Variants in NOL4L observed in about 807,000 individuals in gnomAD.
NOL4L encodes the protein nucleolar protein 4-like.
In NOL4L, 7 loss-of-function variants were observed where a neutral mutation model predicts 64.5. That is an observed-to-expected ratio of 0.11 (90% CI 0.06 to 0.20). NOL4L has a LOEUF of 0.20. NOL4L is among the 10% of genes least tolerant of loss of function. NOL4L has a pLI of 1.00. For missense variants in NOL4L, 680 were observed against 967.1 expected, an observed-to-expected ratio of 0.70 and a Z score of 3.94; for synonymous variants, 413 against 401.0, an observed-to-expected ratio of 1.03 and a Z score of -0.36.
intron 4 of NOL4L, among the ~76,000 whole-genome samples, chr20:32,498,696 G>A (rs750732749): frequency 5.3e-5 from 8 of 149,910 alleles, no homozygotes; most frequent in African/African-American, 1.7e-4. Context: ...CTGGGAAGTC[G>A]AGGCTGCATT....
chr20:32,453,499 T>C lies in NOL4L; in HGVS notation c.1306-4A>G. On this transcript the variant is annotated splice_polypyrimidine_tract_variant and splice_region_variant and intron_variant, in intron 7 of 10. Coordinates refer to ENST00000621426, the MANE Select transcript of NOL4L (RefSeq NM_001256798.2). The surrounding 1 kb of genome is among the most constrained non-coding windows in gnomAD (Gnocchi z 5.6). ...CCACAAAGAGACGCACAAACATCTG[T>C]GGAGACACGGGCCATGGGAAGGGCT... 1.2e-6 allele frequency: 2 copies of C among 1,613,654 alleles called. No homozygotes were observed. Among genetic ancestry groups the C allele is most frequent in the East Asian group, 2.2e-5 (1 of 44,856 alleles).
At chr20:32,452,186 C>G (rs778499322) in intron 10 of NOL4L, 50 bp downstream of exon 10, 96 of 1,473,402 alleles carry the variant, frequency 6.5e-5, no homozygotes, top group Admixed American at 1.2e-4. Context: ...CTCTGCAGAC[C>G]CAGCTGGGTG....
chr20:32,472,336 G>A (rs548790410), intron 5 of NOL4L, among the ~76,000 whole-genome samples: 68 of 152,348 alleles, frequency 4.5e-4, no homozygotes, highest in African/African-American at 1.5e-3. Context: ...CACGAAGGAC[G>A]GAAGGCCAGA....
intron 1 of NOL4L, among the ~76,000 whole-genome samples, chr20:32,529,888 C>G (rs543156941): frequency 4.1e-4 from 63 of 152,340 alleles, no homozygotes; most frequent in Non-Finnish European, 7.9e-4. Context: ...TCAACCTCCC[C>G]GAGCTTCATT....
At chr20:32,509,914 G>C (rs1490764219) in intron 4 of NOL4L, 1 of 1,304,164 alleles carries the variant, frequency 7.7e-7, no homozygotes, top group African/African-American at 1.5e-5. Context: ...TGTTTACGAA[G>C]CCAGGTGCCG....
chr20:32,488,831 C>T (rs866752481), intron 4 of NOL4L, among the ~76,000 whole-genome samples: 4 of 34,824 alleles, frequency 1.1e-4, no homozygotes, highest in Admixed American at 6.3e-4. Flanking sequence ...CTTTCTTTTT[C>T]TTTCTTTCTT....
At chr20:32,536,902 T>C in intron 1 of NOL4L, among the ~76,000 whole-genome samples, 1 of 139,668 alleles carries the variant, frequency 7.2e-6, no homozygotes, top group Admixed American at 7.2e-5. Context: ...GCGGCTGGCC[T>C]CCCCCTGTCT....
intron 2 of NOL4L, among the ~76,000 whole-genome samples, chr20:32,521,395 C>T (rs374043947): frequency 1.3e-5 from 2 of 152,168 alleles, no homozygotes; most frequent in Admixed American, 6.5e-5. Context: ...AGGTCAAGAA[C>T]CTTCTTAGGA....
At chr20:32,535,661 G>A in intron 1 of NOL4L, 1 of 985,396 alleles carries the variant, frequency 1.0e-6, no homozygotes, top group Non-Finnish European at 1.2e-6. Flanking sequence ...TCAAACAACG[G>A]CGCTACATTT....
At chr20:32,467,887 G>A (rs1266979274) in intron 5 of NOL4L, among the ~76,000 whole-genome samples, 1 of 152,190 alleles carries the variant, frequency 6.6e-6, no homozygotes, top group Non-Finnish European at 1.5e-5. Context: ...AAGGAGAAGA[G>A]GCCAACAGCA....
At chr20:32,480,317 C>T (rs1020046148) in intron 4 of NOL4L, among the ~76,000 whole-genome samples, 20 of 152,166 alleles carry the variant, frequency 1.3e-4, no homozygotes, top group Admixed American at 9.8e-4. Context: ...AAGCCATAAG[C>T]CCTGACCAGG....
At chr20:32,539,031 G>C (rs1439666612) in intron 1 of NOL4L, among the ~76,000 whole-genome samples, 2 of 152,056 alleles carry the variant, frequency 1.3e-5, no homozygotes, top group Non-Finnish European at 2.9e-5. Context: ...GTGGGGGTGG[G>C]GTGGGGTGGG....
At position 32,474,735 on chromosome 20, in the gene NOL4L, G is replaced by T. The variant is rs1412288875; in HGVS notation, c.707C>A (p.Thr236Asn). Residue 236 changes from threonine (T) to asparagine (N), a missense_variant, in exon 5 of 11, where the codon ACT becomes AAT. Around this residue, in one of 4 missense-constraint regions of NOL4L, gnomAD observed 181 missense variants for 335.2 expected, o/e 0.54. Transcript: ENST00000621426. ...RVMNSQEQDETSVSSEDFDMS... is the reference protein window; with the variant it reads ...RVMNSQEQDENSVSSEDFDMS... ...ATCAAAATCCTCGCTGCTCACAGAA[G>T]TCTCATCCTGAGCAGGGACAAAGAA... The T allele has an allele frequency of 6.2e-7, 1 of 1,610,180 alleles. No homozygotes were observed. The highest frequency in any genetic ancestry group is 8.5e-7 in the Non-Finnish European group (1 of 1,178,138).
rs2013101180 is a variant in NOL4L, at chr20:32,453,091, C to T, written c.1498-85G>A. On this transcript the variant is annotated intron_variant, in intron 8 of 10. Coordinates refer to ENST00000621426, the MANE Select transcript of NOL4L (RefSeq NM_001256798.2). This position sits in a 1 kb window ranked among gnomAD's most constrained non-coding sequence, Gnocchi z 5.6. The stretch of plus-strand genomic sequence containing the variant: ...GAGACCCTGCCCCAGGGGTGGGTGG[C>T]ACAGGGTGGGGTTTGGGCTCCAGCG... The T allele has an allele frequency of 2.5e-6, 4 of 1,576,032 alleles. No individual in the cohort carries two copies. The Admixed American group carries it at 6.8e-5, about 27-fold the overall frequency.
At position 32,447,451 on chromosome 20, in the gene NOL4L, C is replaced by T. The variant is rs1281222651; in HGVS notation, c.*145G>A. The stretch of plus-strand genomic sequence containing the variant: ...AAAAGTGTCCTTGTGCCCAAAGTCT[C>T]AGGTGCTTGGAGTGTGGCTAGAAAC... On this transcript the variant is annotated 3_prime_UTR_variant, in exon 11 of 11. Coordinates refer to ENST00000621426, the MANE Select transcript of NOL4L (RefSeq NM_001256798.2). 4.7e-6 allele frequency: 3 copies of T among 635,762 alleles called. No individual in the cohort carries two copies. The highest frequency in any genetic ancestry group is 4.5e-5 in the East Asian group (1 of 22,332). 39.4% of individuals were successfully genotyped at this position (635,762 alleles called of 1,614,324 possible). A position where few individuals can be genotyped will look rare whatever the true frequency, so the allele number is the denominator to read the frequency against.
At chr20:32,582,181 G>A (rs1033665672) in intron 1 of NOL4L, 2 of 152,206 alleles carry the variant, frequency 1.3e-5, no homozygotes, top group African/African-American at 4.8e-5. Flanking sequence ...GGGAGCCCGA[G>A]GGGCGGGCTG....
At chr20:32,534,751 TTCGA>T (rs1192727375) in intron 1 of NOL4L, among the ~76,000 whole-genome samples, 1 of 150,302 alleles carries the variant, frequency 6.7e-6, no homozygotes, top group Non-Finnish European at 1.5e-5. Context: ...CGTGGCGGCA[TTCGA>T]CTGTAGTCCC....
In NOL4L at chr20:32,446,060, G is replaced by A. The variant is rs2012316238; in HGVS notation, c.*1536C>T. ...CTGGGGCCTCTCTGCTCTGAGGGAGGAAAGGCAACAGAGGGCTTCTGCCAG... is the reference window on the plus strand; with the variant it reads ...CTGGGGCCTCTCTGCTCTGAGGGAGAAAAGGCAACAGAGGGCTTCTGCCAG... On this transcript the variant is annotated 3_prime_UTR_variant, in exon 11 of 11. Transcript: ENST00000621426. 6.6e-6 allele frequency: 1 copy of A among 152,296 alleles called. No individual in the cohort carries two copies. The highest frequency in any genetic ancestry group is 1.5e-5 in the Non-Finnish European group (1 of 68,138). The allele number at this position is 152,296 out of a possible 1,614,324, so 9.4% of individuals were successfully genotyped here. A position where few individuals can be genotyped will look rare whatever the true frequency, so the allele number is the denominator to read the frequency against.
intron 5 of NOL4L, among the ~76,000 whole-genome samples, chr20:32,469,107 G>T (rs1017256805): frequency 2.6e-5 from 4 of 151,758 alleles, no homozygotes; most frequent in Non-Finnish European, 4.4e-5. Flanking sequence ...TGGGCACACA[G>T]CAGGGTCAGG....
Sources: allele counts gnomAD v4.1 joint callset (sites outside exome capture counted in the v4.1 genomes callset), GRCh38; gene constraint gnomAD v4.1.1; regional missense constraint gnomAD v4.1.1; non-coding constraint Gnocchi (gnomAD v3.1); transcripts MANE v1.5; gene names NCBI Gene and HGNC (gene_info 2026-07-23, HGNC 2026-07-21).